Variants in ACSL1 observed in about 807,000 individuals in gnomAD.
ACSL1 encodes the protein acyl-CoA synthetase long chain family member 1.
ACSL1 carries 41 observed loss-of-function variants against 98.4 expected under a neutral mutation model. The observed-to-expected ratio is 0.42, with a 90% CI of 0.32 to 0.54. The LOEUF is 0.54. ACSL1 is among the 20% of genes least tolerant of loss of function. ACSL1 has a pLI of 0.13. For synonymous variants in ACSL1, 316 were observed against 322.7 expected, an observed-to-expected ratio of 0.98 and a Z score of 0.22; for missense variants, 734 against 883.1, an observed-to-expected ratio of 0.83 and a Z score of 2.14.
intron 10 of ACSL1, 36 bp from the exon 11 acceptor site, chr4:184,770,512 T>G: frequency 7.0e-7 from 1 of 1,430,244 alleles, no homozygotes; most frequent in Non-Finnish European, 9.4e-7. Flanking sequence ...AGAAAAGCAT[T>G]AAGACTCCCA....
chr4:184,784,132 T>C, intron 3 of ACSL1, 141 bp from the exon 4 acceptor site: 2 of 656,214 alleles, frequency 3.0e-6, no homozygotes, highest in South Asian at 1.8e-5. Context: ...TGGCTTCAGA[T>C]TGGAAATGTT....
intron 1 of ACSL1, among the ~76,000 whole-genome samples, chr4:184,813,418 A>G (rs1772317587): frequency 6.6e-6 from 1 of 152,190 alleles, no homozygotes; most frequent in Non-Finnish European, 1.5e-5. Flanking sequence ...GCGGATGGAG[A>G]CAAAAAGATC....
chr4:184,820,117 C>T (rs544165164), intron 1 of ACSL1, among the ~76,000 whole-genome samples: 2 of 152,212 alleles, frequency 1.3e-5, no homozygotes, highest in South Asian at 4.1e-4. Flanking sequence ...GGCCAAGTCA[C>T]CCCCCTCCGA....
At chr4:184,811,534 G>T (rs1772119393) in intron 1 of ACSL1, among the ~76,000 whole-genome samples, 1 of 152,130 alleles carries the variant, frequency 6.6e-6, no homozygotes, top group African/African-American at 2.4e-5. Context: ...TTGGATACAT[G>T]CCATGACATG....
intron 2 of ACSL1, among the ~76,000 whole-genome samples, chr4:184,793,090 A>G (rs1484904206): frequency 6.6e-6 from 1 of 152,054 alleles, no homozygotes; most frequent in Non-Finnish European, 1.5e-5. Context: ...ACCCCAGCTG[A>G]ATGTGTAGGA....
intron 10 of ACSL1, among the ~76,000 whole-genome samples, chr4:184,771,840 C>T (rs1335326662): frequency 8.7e-6 from 1 of 115,002 alleles, no homozygotes. Flanking sequence ...ACACAGCAGC[C>T]CCAGAAGCAC....
intron 4 of ACSL1, among the ~76,000 whole-genome samples, chr4:184,781,153 C>A (rs1328355939): frequency 6.9e-6 from 1 of 144,396 alleles, no homozygotes; most frequent in African/African-American, 2.6e-5. Flanking sequence ...ATTGCTTGAA[C>A]CCAGGAGGCG....
At chr4:184,804,730 T>C (rs963812806) in intron 1 of ACSL1, among the ~76,000 whole-genome samples, 12 of 152,188 alleles carry the variant, frequency 7.9e-5, no homozygotes, top group African/African-American at 2.9e-4. Flanking sequence ...GCACCTTATC[T>C]CGCAGGGCTT....
chr4:184,803,630 T>A lies in ACSL1; in HGVS notation c.-32-84A>T. 1 of 950,020 alleles carries A rather than the reference T, an allele frequency of 1.1e-6. No individual in the cohort carries two copies. Among genetic ancestry groups the A allele is most frequent in the African/African-American group, 1.7e-5 (1 of 59,566 alleles). The allele number at this position is 950,020 out of a possible 1,614,324, so 58.8% of individuals were successfully genotyped here. On this transcript the variant is annotated intron_variant, in intron 1 of 20. Transcript: ENST00000281455. This position sits in a 1 kb window ranked among gnomAD's most constrained non-coding sequence, Gnocchi z 4.8. ...TCCAAAATTCCACCGGCCAGCCATC[T>A]AATTGGGTAGCTGCTCGGCCAGTCC...
At chr4:184,776,796 C>A in intron 6 of ACSL1, 88 bp downstream of exon 6, 1 of 1,515,032 alleles carries the variant, frequency 6.6e-7, no homozygotes. Context: ...CATGTAAAAT[C>A]TTTGTCAAAT....
At chr4:184,783,583 G>A (rs1766692330) in intron 4 of ACSL1, among the ~76,000 whole-genome samples, 1 of 152,216 alleles carries the variant, frequency 6.6e-6, no homozygotes, top group Non-Finnish European at 1.5e-5. Flanking sequence ...CCACGTTCCA[G>A]CTTCTGAGTT....
chr4:184,785,889 G>A (rs1256282475), intron 3 of ACSL1, among the ~76,000 whole-genome samples: 2 of 152,126 alleles, frequency 1.3e-5, no homozygotes, highest in Non-Finnish European at 2.9e-5. Flanking sequence ...TCATTTGCAC[G>A]TTCTCCTCAC....
intron 2 of ACSL1, among the ~76,000 whole-genome samples, chr4:184,799,857 TAAAC>T (rs1305792099): frequency 6.6e-6 from 1 of 151,976 alleles, no homozygotes; most frequent in Non-Finnish European, 1.5e-5. Context: ...TCTAAATAAA[TAAAC>T]AAACAAACAA....
intron 5 of ACSL1, 72 bp downstream of exon 5, chr4:184,780,260 T>C (rs1464990725): frequency 7.8e-7 from 1 of 1,286,832 alleles, no homozygotes; most frequent in African/African-American, 1.5e-5. Context: ...AAATCTGGTC[T>C]CTAGCAGAAG....
chr4:184,825,337 G>T lies in ACSL1; in HGVS notation c.-33+579C>A. The T allele has an allele frequency of 1.3e-6, 1 of 753,030 alleles. No individual in the cohort carries two copies. Among genetic ancestry groups the T allele is most frequent in the Non-Finnish European group, 1.6e-6 (1 of 617,752 alleles). 46.6% of individuals were successfully genotyped at this position (753,030 alleles called of 1,614,324 possible). On this transcript the variant is annotated intron_variant, in intron 1 of 20. Transcript: ENST00000281455. This position sits in a 1 kb window ranked among gnomAD's most constrained non-coding sequence, Gnocchi z 4.7. ...CCACGGCCAAGTGCAAGGGCCACGG[G>T]CACTCCTCTGGAGTCACCGAGAGAA...
At chr4:184,768,889 C>CAT (rs1561184673) in intron 11 of ACSL1, among the ~76,000 whole-genome samples, 2 of 152,014 alleles carry the variant, frequency 1.3e-5, no homozygotes, top group African/African-American at 4.8e-5. Flanking sequence ...GGCCACGTTA[C>CAT]GGTGAAACCC....
chr4:184,766,815 G>A lies in ACSL1; in HGVS notation c.1129-59C>T, dbSNP rs1272659359. On this transcript the variant is annotated intron_variant, in intron 12 of 20. Transcript: ENST00000281455. This position sits in a 1 kb window ranked among gnomAD's most constrained non-coding sequence, Gnocchi z 4.8. ...CTACTAGGATGGCCAGAGTCAAAGA[G>A]TGTGGAGAAATCAGAACCCTCACAC... 14 of 1,550,818 alleles carry A rather than the reference G, an allele frequency of 9.0e-6. No homozygotes were observed. The highest frequency in any genetic ancestry group is 3.6e-5 in the Admixed American group (2 of 55,132).
rs997481644 is a variant in ACSL1, at chr4:184,777,000, G to A, written c.478-17C>T. The A allele has an allele frequency of 1.2e-6, 2 of 1,607,694 alleles. No individual in the cohort carries two copies. Among genetic ancestry groups the A allele is most frequent in the Non-Finnish European group, 1.7e-6 (2 of 1,174,456 alleles). On this transcript the variant is annotated splice_polypyrimidine_tract_variant and intron_variant, in intron 5 of 20. Transcript: ENST00000281455. ...AATCACCCACTAAACAAACAGTAAA[G>A]GTCAGGGAGAGAAAACAGGATGTCA...
At chr4:184,774,424 G>A (rs1259271187) in intron 7 of ACSL1, among the ~76,000 whole-genome samples, 1 of 152,186 alleles carries the variant, frequency 6.6e-6, no homozygotes, top group African/African-American at 2.4e-5. Context: ...CCCTCGTAGA[G>A]TGGAGATAGG....
Sources: gnomAD v4.1 joint callset for allele counts (sites outside exome capture counted in the v4.1 genomes callset) on GRCh38, gnomAD v4.1.1 for gene constraint, Gnocchi (gnomAD v3.1) non-coding constraint, MANE v1.5 for transcripts, NCBI Gene and HGNC (gene_info 2026-07-23, HGNC 2026-07-21) for gene names.